The following ALDH1L2 variants were observed in gnomAD, a reference collection of about 807,000 sequenced individuals.
ALDH1L2 encodes the protein aldehyde dehydrogenase 1 family member L2.
Under a neutral mutation model 111.0 loss-of-function variants are expected in ALDH1L2, and 91 were observed. That is an observed-to-expected ratio of 0.82 (90% CI 0.69 to 0.98). ALDH1L2 has a LOEUF of 0.98. Ranked by LOEUF, ALDH1L2 falls within the 50% of genes least tolerant of loss-of-function variation. ALDH1L2 has a pLI of 0.00. For missense variants in ALDH1L2, 995 were observed against 1,126.8 expected (o/e 0.88, Z 1.67); for synonymous variants, 374 against 392.6 (o/e 0.95, Z 0.56).
At chr12:105,038,415 C>A (rs1875316331) in intron 17 of ALDH1L2, among the ~76,000 whole-genome samples, 1 of 152,020 alleles carries the variant, frequency 6.6e-6, no homozygotes, top group Non-Finnish European at 1.5e-5. Flanking sequence ...CAGTGACTCA[C>A]AACTGTCTGG....
intron 1 of ALDH1L2, among the ~76,000 whole-genome samples, chr12:105,079,875 A>C (rs1878256820): frequency 6.6e-6 from 1 of 152,210 alleles, no homozygotes; most frequent in South Asian, 2.1e-4. Context: ...AAACATGGAA[A>C]TATATACAAA....
Position 105,024,119 on chromosome 12 carries a change from AC to A in ALDH1L2, c.*304del. ...TGTGTATTATAACTGCATGGTACTGACATCTTCAAGATGGGAACCATGAATA... is the reference window on the plus strand; with the variant it reads ...TGTGTATTATAACTGCATGGTACTGAATCTTCAAGATGGGAACCATGAATA... On this transcript the variant is annotated 3_prime_UTR_variant, in exon 23 of 23. Coordinates refer to ENST00000258494, the MANE Select transcript of ALDH1L2 (RefSeq NM_001034173.4). The A allele has an allele frequency of 2.1e-6, 1 of 479,322 alleles. No homozygotes were observed. The highest frequency in any genetic ancestry group is 3.8e-5 in the East Asian group (1 of 26,478). The allele number at this position is 479,322 out of a possible 1,614,324, so 29.7% of individuals were successfully genotyped here.
intron 13 of ALDH1L2, chr12:105,048,665 A>G (rs542417409): frequency 6.6e-6 from 1 of 152,218 alleles, no homozygotes; most frequent in African/African-American, 2.4e-5. Flanking sequence ...TGTGTTTGCT[A>G]TTTATTATCA....
At chr12:105,052,294 GA>G in intron 11 of ALDH1L2, 77 bp from the exon 12 acceptor site, 1 of 1,354,228 alleles carries the variant, frequency 7.4e-7, no homozygotes, top group Non-Finnish European at 9.8e-7. Context: ...TGTATTAATA[GA>G]AAAAATAGAG....
chr12:105,061,628 T>C lies in ALDH1L2; in HGVS notation c.1046A>G (p.Lys349Arg), dbSNP rs1255135075. The C allele has an allele frequency of 2.5e-6, 4 of 1,614,048 alleles. No individual in the cohort carries two copies. The African/African-American group carries it at 4.0e-5, about 16-fold the overall frequency. Reference protein sequence around the residue: ...AEEVKVAETIKVIWAGILSNV... With the variant: ...AEEVKVAETIRVIWAGILSNV... Reference sequence around the variant, plus strand: ...AGATTTAAGTCATCATGTGTTCACCTTGATGGTCTCTGCCACTTTCACCTC... The same window carrying C: ...AGATTTAAGTCATCATGTGTTCACCCTGATGGTCTCTGCCACTTTCACCTC... The change falls in exon 8 of 23, where the codon AAG becomes AGG. Residue 349 changes from lysine (K) to arginine (R), a missense_variant and splice_region_variant. Transcript: ENST00000258494.
chr12:105,066,641 C>G lies in ALDH1L2; in HGVS notation c.623G>C (p.Gly208Ala). Reference sequence around the variant, plus strand: ...TGGCTGGGGTATACGAGGAGCTTTTCCATCAGCTATGAGTTGGACAGCTTC... The same window carrying G: ...TGGCTGGGGTATACGAGGAGCTTTTGCATCAGCTATGAGTTGGACAGCTTC... ...MVEAVQLIAD[G>A]KAPRIPQPEE... Residue 208 changes from glycine to alanine, a missense_variant, in exon 5 of 23, where the codon GGA (glycine) becomes GCA (alanine). Transcript: ENST00000258494. 1 of 1,614,126 alleles carries G rather than the reference C, an allele frequency of 6.2e-7. No homozygotes were observed.
At chr12:105,050,084 T>G in intron 12 of ALDH1L2, 26 bp from the exon 13 acceptor site, 1 of 1,555,352 alleles carries the variant, frequency 6.4e-7, no homozygotes. Flanking sequence ...AAGAAATAAA[T>G]TCAACAAGTA....
At chr12:105,075,850 A>G (rs1411789179) in intron 1 of ALDH1L2, among the ~76,000 whole-genome samples, 1 of 152,206 alleles carries the variant, frequency 6.6e-6, no homozygotes, top group Middle Eastern at 3.4e-3. Context: ...AAGTGGTGCA[A>G]TCTCGGCTCA....
intron 6 of ALDH1L2, among the ~76,000 whole-genome samples, chr12:105,064,708 A>G (rs182515699): frequency 3.4e-4 from 52 of 152,326 alleles, no homozygotes; most frequent in Non-Finnish European, 5.6e-4. Flanking sequence ...ATGTGAGATC[A>G]GGAAACCTCC....
intron 13 of ALDH1L2, chr12:105,047,639 G>C (rs1875999820): frequency 6.6e-6 from 1 of 152,284 alleles, no homozygotes; most frequent in Non-Finnish European, 1.5e-5. Flanking sequence ...ACAGGAATAA[G>C]TTGGCTGTTA....
At chr12:105,067,438 T>A (rs1877438308) in intron 4 of ALDH1L2, among the ~76,000 whole-genome samples, 1 of 152,080 alleles carries the variant, frequency 6.6e-6, no homozygotes. Context: ...AAATAAGTCT[T>A]TATGAGTTAT....
intron 13 of ALDH1L2, chr12:105,049,514 T>C (rs1192553673): frequency 6.5e-6 from 1 of 153,262 alleles, no homozygotes; most frequent in Non-Finnish European, 1.5e-5. Flanking sequence ...GTTTAGGTCG[T>C]GAGGGCTCCA....
chr12:105,050,707 G>T, intron 12 of ALDH1L2: 1 of 452,972 alleles, frequency 2.2e-6, no homozygotes, highest in Non-Finnish European at 4.4e-6. Flanking sequence ...TCATTCTCAT[G>T]CTGCTAATAA....
rs545911380 is a variant in ALDH1L2, at chr12:105,052,866, G to A, written c.1353C>T (p.Phe451=). Residue 451 remains phenylalanine (F), a synonymous_variant, in exon 11 of 23, where the codon TTC becomes TTT. Coordinates refer to ENST00000258494, the MANE Select transcript of ALDH1L2 (RefSeq NM_001034173.4). ...MPYQCFINGQ[F]TDADDGKTYD... Reference sequence around the variant, plus strand: ...AAGTCTTTCCATCGTCTGCATCTGTGAACTGTCCATTTATGAAACACTGGT... The same window carrying A: ...AAGTCTTTCCATCGTCTGCATCTGTAAACTGTCCATTTATGAAACACTGGT... The A allele has an allele frequency of 6.2e-7, 1 of 1,614,110 alleles. No homozygotes were observed. The highest frequency in any genetic ancestry group is 1.3e-5 in the African/African-American group (1 of 75,042).
At chr12:105,039,258 C>T (rs945758245) in intron 17 of ALDH1L2, among the ~76,000 whole-genome samples, 2 of 151,970 alleles carry the variant, frequency 1.3e-5, no homozygotes, top group Admixed American at 1.3e-4. Context: ...CACAGTGTTC[C>T]ATTACATTGA....
At chr12:105,055,793 C>T (rs573113973) in intron 10 of ALDH1L2, among the ~76,000 whole-genome samples, 12 of 151,852 alleles carry the variant, frequency 7.9e-5, no homozygotes, top group African/African-American at 2.7e-4. Context: ...AGTGCAATAA[C>T]TGAAATTAAA....
chr12:105,047,043 C>T (rs917323472), intron 13 of ALDH1L2, 74 bp from the exon 14 acceptor site: 2 of 1,500,602 alleles, frequency 1.3e-6, no homozygotes, highest in African/African-American at 1.4e-5. Context: ...GATCCATTTT[C>T]TGTCTTCCTC....
chr12:105,071,614 G>GCATATA (rs56056622), intron 2 of ALDH1L2, among the ~76,000 whole-genome samples: 1 of 25,262 alleles, frequency 4.0e-5, no homozygotes, highest in Non-Finnish European at 6.5e-5. Context: ...TATATAAGTA[G>GCATATA]TATATATATA....
intron 18 of ALDH1L2, among the ~76,000 whole-genome samples, chr12:105,035,306 T>A (rs922298809): frequency 1.3e-5 from 2 of 152,114 alleles, no homozygotes; most frequent in Non-Finnish European, 2.9e-5. Context: ...TAATCACAAT[T>A]TTTAAAATTT....
Sources: allele counts gnomAD v4.1 joint callset (sites outside exome capture counted in the v4.1 genomes callset), GRCh38; gene constraint gnomAD v4.1.1; transcripts MANE v1.5; gene names NCBI Gene and HGNC (gene_info 2026-07-23, HGNC 2026-07-21).